The following EXD1 variants were observed in gnomAD, a reference collection of about 807,000 sequenced individuals.
EXD1 encodes piRNA biogenesis protein EXD1.
Under a neutral mutation model 49.1 loss-of-function variants are expected in EXD1, and 63 were observed. The observed-to-expected ratio is 1.28, with a 90% CI of 1.05 to 1.58. The LOEUF (loss-of-function observed/expected upper bound fraction) is 1.58. Among genes scored for constraint, EXD1 ranks in the 40% most tolerant of loss-of-function variants. EXD1 has a pLI of 0.00. For missense variants in EXD1, 748 were observed against 666.0 expected (o/e 1.12, Z -1.36); for synonymous variants, 234 against 239.2 (o/e 0.98, Z 0.20).
intron 10 of EXD1, among the ~76,000 whole-genome samples, chr15:41,191,074 C>G (rs1402119754): frequency 6.6e-6 from 1 of 152,072 alleles, no homozygotes; most frequent in Admixed American, 6.6e-5. Flanking sequence ...ACTACAGACA[C>G]CTGCCACCAT....
At position 41,184,109 on chromosome 15, in the gene EXD1, T is replaced by C; in HGVS notation, c.1541A>G (p.Lys514Arg). 1 of 1,614,222 alleles carries C rather than the reference T, an allele frequency of 6.2e-7. No individual in the cohort carries two copies. The highest frequency in any genetic ancestry group is 1.3e-5 in the African/African-American group (1 of 75,066). Residue 514 changes from lysine (K) to arginine (R), a missense_variant, in exon 12 of 12, where the codon AAG becomes AGG. Physicochemically the swap from Lys to Arg is conservative, Grantham distance 26. Coordinates refer to ENST00000458580, the MANE Select transcript of EXD1 (RefSeq NM_001286441.2). ...ETEQLLMVEN[K>R]EDLKCTKQAV... is the part of the protein sequence containing the mutation. ...CTGTTTTGTGCATTTTAAATCTTCC[T>C]TGTTTTCCACCATCAATAACTGTTC... is the stretch of plus-strand genomic sequence containing the variant.
At position 41,230,545 on chromosome 15, in the gene EXD1, T is replaced by C. The variant is rs753184242; in HGVS notation, c.-120A>G. 87 of 1,614,072 alleles carry C rather than the reference T, an allele frequency of 5.4e-5. No homozygotes were observed. The highest frequency in any genetic ancestry group is 6.9e-5 in the Non-Finnish European group (82 of 1,180,008). ...TCCTCCGAAGGAAGTTTGGGAAATC[T>C]GGATCCTAATTTCAGCCAAGTGGTG... On this transcript the variant is annotated 5_prime_UTR_variant, in exon 1 of 12. Coordinates refer to ENST00000458580, the MANE Select transcript of EXD1 (RefSeq NM_001286441.2).
intron 7 of EXD1, among the ~76,000 whole-genome samples, chr15:41,199,739 G>GAGATATATTACATATA (rs777473507): frequency 1.3e-5 from 1 of 79,376 alleles, no homozygotes; most frequent in Non-Finnish European, 2.4e-5. Context: ...TGATATATAT[G>GAGATATATTACATATA]TCATATATTA....
intron 7 of EXD1, among the ~76,000 whole-genome samples, chr15:41,207,596 GTTTT>G (rs989305452): frequency 6.6e-6 from 1 of 151,112 alleles, no homozygotes; most frequent in East Asian, 1.9e-4. Context: ...GGAGTGGAGG[GTTTT>G]TTTTTCTCTT....
At chr15:41,188,698 C>G (rs567125210) in intron 11 of EXD1, among the ~76,000 whole-genome samples, 1 of 151,200 alleles carries the variant, frequency 6.6e-6, no homozygotes, top group South Asian at 2.1e-4. Flanking sequence ...GGCCCTGGCC[C>G]TTTTTTTTGA....
chr15:41,184,191 GTTCT>G lies in EXD1; in HGVS notation c.1455_1458del (p.Lys485AsnfsTer4). On this transcript the variant is annotated frameshift_variant, in exon 12 of 12. Transcript: ENST00000458580. LOFTEE classifies it low-confidence loss of function (END_TRUNC). Reference sequence around the variant, plus strand: ...AACTCATGTTTGGGTGTCATAAAGTGTTCTTTCTGAGTTATTCTCTGGTCCTCTG... The same window carrying G: ...AACTCATGTTTGGGTGTCATAAAGTGTTCTGAGTTATTCTCTGGTCCTCTG... 1.9e-6 allele frequency: 3 copies of G among 1,614,168 alleles called. No homozygotes were observed. The highest frequency in any genetic ancestry group is 2.5e-6 in the Non-Finnish European group (3 of 1,180,028).
chr15:41,191,667 G>C, intron 9 of EXD1, 82 bp from the exon 10 acceptor site: 8 of 1,329,060 alleles, frequency 6.0e-6, no homozygotes, highest in Non-Finnish European at 8.3e-6. Flanking sequence ...TTAGAGAAAT[G>C]TCTAAATAAC....
chr15:41,217,664 T>C (rs972146717), intron 3 of EXD1, among the ~76,000 whole-genome samples: 8 of 150,850 alleles, frequency 5.3e-5, no homozygotes, highest in African/African-American at 2.0e-4. Flanking sequence ...CCAAGTCCCA[T>C]GCCTGGGACT....
intron 11 of EXD1, 77 bp downstream of exon 11, chr15:41,189,860 T>C (rs1429432671): frequency 1.8e-5 from 26 of 1,430,350 alleles, no homozygotes; most frequent in Middle Eastern, 2.4e-4. Context: ...ATCGCAGCTA[T>C]GAAGAAAGGG....
chr15:41,219,089 A>G (rs1188559363), intron 3 of EXD1, among the ~76,000 whole-genome samples: 1 of 152,108 alleles, frequency 6.6e-6, no homozygotes, highest in Non-Finnish European at 1.5e-5. Context: ...AAACCTCCTG[A>G]GTCCTTGAAA....
chr15:41,222,561 TTCTA>T (rs1407772375), intron 2 of EXD1, among the ~76,000 whole-genome samples: 2 of 152,324 alleles, frequency 1.3e-5, no homozygotes, highest in African/African-American at 4.8e-5. Flanking sequence ...CTTTGCATCT[TTCTA>T]TCAGAGAGGA....
chr15:41,216,523 A>C lies in EXD1; in HGVS notation c.388+145T>G, dbSNP rs1013738846. The C allele has an allele frequency of 3.7e-6, 3 of 803,066 alleles. No homozygotes were observed. In the African/African-American group the frequency reaches 5.3e-5, roughly 14 times the overall value. 49.7% of individuals were successfully genotyped at this position (803,066 alleles called of 1,614,324 possible). ...GCACATGCCTGTAATCACAGCTACT[A>C]TGGAGGCAGAGGCAGGATAATTGCT... On this transcript the variant is annotated intron_variant, in intron 5 of 11. Transcript: ENST00000458580.
intron 10 of EXD1, chr15:41,190,376 G>C: frequency 4.8e-6 from 2 of 416,970 alleles, no homozygotes; most frequent in South Asian, 4.4e-5. Flanking sequence ...AAGAAGCTGA[G>C]GCAGGAGAAT....
At chr15:41,226,421 A>C (rs2047165403) in intron 2 of EXD1, 22 bp downstream of exon 2, 1 of 1,534,296 alleles carries the variant, frequency 6.5e-7, no homozygotes, top group Admixed American at 2.0e-5. Context: ...AAGGCAGAAC[A>C]TTATAAGAAA....
At chr15:41,188,011 G>C (rs1224179922) in intron 11 of EXD1, among the ~76,000 whole-genome samples, 1 of 17,774 alleles carries the variant, frequency 5.6e-5, no homozygotes, top group Non-Finnish European at 1.0e-4. Context: ...GCGAAACCCC[G>C]TCTCAAAAAA....
intron 7 of EXD1, among the ~76,000 whole-genome samples, chr15:41,196,312 A>ATTTTTTT (rs572843554): frequency 9.2e-6 from 1 of 108,144 alleles, no homozygotes; most frequent in African/African-American, 4.0e-5. Context: ...CGCCCAGCTA[A>ATTTTTTT]TTTTTTTTTT....
chr15:41,216,407 G>A (rs1387176527), intron 5 of EXD1, among the ~76,000 whole-genome samples: 4 of 152,102 alleles, frequency 2.6e-5, no homozygotes, highest in East Asian at 1.9e-4. Context: ...CAAGGCGGGC[G>A]GATCACCTGA....
At chr15:41,199,572 T>C (rs902373088) in intron 7 of EXD1, among the ~76,000 whole-genome samples, 2 of 143,728 alleles carry the variant, frequency 1.4e-5, no homozygotes, top group African/African-American at 5.2e-5. Flanking sequence ...TTGTTTCATA[T>C]ACATATACAT....
rs1368273936 is a variant in EXD1, at chr15:41,182,757, T to C, written c.*1174A>G. 8 of 151,994 alleles carry C rather than the reference T, an allele frequency of 5.3e-5. No individual in the cohort carries two copies. Among genetic ancestry groups the C allele is most frequent in the Admixed American group, 5.2e-4 (8 of 15,248 alleles). The allele number at this position is 151,994 out of a possible 1,614,324, so 9.4% of individuals were successfully genotyped here. A position where few individuals can be genotyped will look rare whatever the true frequency, so the allele number is the denominator to read the frequency against. On this transcript the variant is annotated 3_prime_UTR_variant, in exon 12 of 12. Coordinates refer to ENST00000458580, the MANE Select transcript of EXD1 (RefSeq NM_001286441.2). The stretch of plus-strand genomic sequence containing the variant: ...TTTAAGTAGAGTATGACAAAACAGG[T>C]TTATTGGTTATTTTACACAAAAGAA...
Sources: allele counts gnomAD v4.1 joint callset (sites outside exome capture counted in the v4.1 genomes callset), GRCh38; gene constraint gnomAD v4.1.1; transcripts MANE v1.5; gene names NCBI Gene and HGNC (gene_info 2026-07-23, HGNC 2026-07-21).